Variants in TCF12 observed in about 807,000 individuals in gnomAD.
The protein encoded by TCF12 is DNA-binding protein HTF4.
A neutral mutation model predicts 86.0 loss-of-function variants in TCF12; 45 were observed. The observed-to-expected ratio is 0.52, with a 90% confidence interval of 0.41 to 0.67. TCF12 has a LOEUF of 0.67. Among genes scored for constraint, TCF12 ranks in the 30% least tolerant of loss-of-function variants. TCF12 has a pLI of 0.00. For synonymous variants in TCF12, 330 were observed against 299.6 expected, an observed-to-expected ratio of 1.10 and a Z score of -1.05; for missense variants, 881 against 859.9, an observed-to-expected ratio of 1.02 and a Z score of -0.31.
chr15:57,259,632 G>C (rs1343626703), intron 16 of TCF12, among the ~76,000 whole-genome samples: 3 of 152,188 alleles, frequency 2.0e-5, no homozygotes, highest in Non-Finnish European at 4.4e-5. Flanking sequence ...CTTTTATTCT[G>C]AAATGGAGCT....
At chr15:57,042,858 G>T (rs1012331961) in intron 3 of TCF12, among the ~76,000 whole-genome samples, 1 of 152,096 alleles carries the variant, frequency 6.6e-6, no homozygotes, top group Non-Finnish European at 1.5e-5. Context: ...TTTTACAGCA[G>T]ATCTTTAGTA....
intron 3 of TCF12, among the ~76,000 whole-genome samples, chr15:57,007,978 G>GCT (rs1205713295): frequency 2.4e-4 from 29 of 123,176 alleles, no homozygotes; most frequent in African/African-American, 8.2e-4. Flanking sequence ...TCTCTCTCTC[G>GCT]CTCTCTCTCT....
chr15:57,119,482 CATACTAGATACG>C, intron 5 of TCF12, among the ~76,000 whole-genome samples: 2 of 146,132 alleles, frequency 1.4e-5, no homozygotes, highest in East Asian at 4.0e-4. Context: ...GTATCTTCTT[CATACTAGATACG>C]ATACTGTATG....
intron 3 of TCF12, among the ~76,000 whole-genome samples, chr15:57,012,924 T>G (rs1478424288): frequency 6.6e-6 from 1 of 152,212 alleles, no homozygotes; most frequent in Non-Finnish European, 1.5e-5. Flanking sequence ...TTTATTTTTC[T>G]GTGATCGAGA....
At chr15:56,958,223 C>T (rs1309339624) in intron 3 of TCF12, among the ~76,000 whole-genome samples, 1 of 152,160 alleles carries the variant, frequency 6.6e-6, no homozygotes, top group Non-Finnish European at 1.5e-5. Flanking sequence ...GTGAGTCTGT[C>T]AGTCTCCCAT....
intron 5 of TCF12, among the ~76,000 whole-genome samples, chr15:57,132,359 C>T (rs994944325): frequency 1.3e-5 from 2 of 152,116 alleles, no homozygotes; most frequent in African/African-American, 4.8e-5. Flanking sequence ...ATGTATCCAG[C>T]ATCCTAATCT....
At chr15:57,214,947 C>G (rs1341906826) in intron 8 of TCF12, among the ~76,000 whole-genome samples, 2 of 152,078 alleles carry the variant, frequency 1.3e-5, no homozygotes, top group African/African-American at 4.8e-5. Flanking sequence ...TTAAAAGATG[C>G]ACTATTGATT....
At chr15:56,962,989 G>A (rs2061836326) in intron 3 of TCF12, among the ~76,000 whole-genome samples, 1 of 147,540 alleles carries the variant, frequency 6.8e-6, no homozygotes, top group Admixed American at 6.7e-5. Context: ...TTTCCTGGAA[G>A]TGAGTGTTTC....
intron 3 of TCF12, among the ~76,000 whole-genome samples, chr15:56,971,854 A>G (rs1006618310): frequency 6.6e-6 from 1 of 152,220 alleles, no homozygotes; most frequent in Non-Finnish European, 1.5e-5. Flanking sequence ...AACTAGGCAA[A>G]TGTGTAAAGA....
intron 3 of TCF12, among the ~76,000 whole-genome samples, chr15:57,010,166 T>A (rs2064735445): frequency 6.6e-6 from 1 of 152,114 alleles, no homozygotes; most frequent in Non-Finnish European, 1.5e-5. Flanking sequence ...TCCCTTTTTT[T>A]TAAAAAAACT....
rs557610511 is a variant in TCF12, at chr15:56,995,231, C to CTTTTTTTTTTTTTTTTTTTTTTTTT, written c.149-68515_149-68491dup. ...AAGTCAGGTAATGTGATACCTGCAG[C>CTTTTTTTTTTTTTTTTTTTTTTTTT]TTTTTTTTTTTTTTTTTTTTTTTTT... On this transcript the variant is annotated intron_variant, in intron 3 of 20. Coordinates refer to ENST00000333725, the MANE Select transcript of TCF12 (RefSeq NM_207037.2). 1.3e-3 allele frequency among the ~76,000 whole-genome samples: 38 copies of CTTTTTTTTTTTTTTTTTTTTTTTTT among 30,302 alleles called. 9 individuals are homozygous for CTTTTTTTTTTTTTTTTTTTTTTTTT. The highest frequency in any genetic ancestry group is 1.7e-3 in the Non-Finnish European group (27 of 16,182). 19.9% of individuals were successfully genotyped at this position (30,302 alleles called of 152,430 possible).
chr15:56,959,710 C>T (rs564917064), intron 3 of TCF12, among the ~76,000 whole-genome samples: 212 of 152,114 alleles, frequency 1.4e-3, no homozygotes, highest in Non-Finnish European at 2.7e-3. Context: ...AATCTACTTA[C>T]AGAGGAACAG....
chr15:57,206,985 A>G (rs1244565936), intron 8 of TCF12, among the ~76,000 whole-genome samples: 2 of 151,652 alleles, frequency 1.3e-5, no homozygotes, highest in Non-Finnish European at 2.9e-5. Flanking sequence ...GTGTGCCTGT[A>G]GTACTAGGTA....
intron 20 of TCF12, among the ~76,000 whole-genome samples, chr15:57,283,322 C>T (rs985910364): frequency 9.9e-5 from 15 of 151,798 alleles, no homozygotes; most frequent in African/African-American, 3.2e-4. Flanking sequence ...TGCAGTGGCA[C>T]GATCTCAGCT....
At position 57,282,312 on chromosome 15, in the gene TCF12, G is replaced by T. The variant is rs1401608220; in HGVS notation, c.1979-133G>T. 4.9e-6 allele frequency: 5 copies of T among 1,019,348 alleles called. No individual in the cohort carries two copies. The Admixed American group carries it at 1.1e-4, about 22-fold the overall frequency. 63.1% of individuals were successfully genotyped at this position (1,019,348 alleles called of 1,614,324 possible). On this transcript the variant is annotated intron_variant, in intron 19 of 20. Coordinates refer to ENST00000333725, the MANE Select transcript of TCF12 (RefSeq NM_207037.2). ...AGTTCAATGCTGAGGTTTTATGTGA[G>T]CACATTGTTTCTTCTATGTGATGGT...
chr15:57,077,371 G>A (rs370628277), intron 4 of TCF12, among the ~76,000 whole-genome samples: 55,547 of 104,380 alleles, frequency 0.53, 14,485 homozygotes, highest in Non-Finnish European at 0.58. Flanking sequence ...GTGTGTGTGT[G>A]TGTATATATA....
intron 3 of TCF12, among the ~76,000 whole-genome samples, chr15:57,014,337 A>G (rs2065022188): frequency 6.6e-6 from 1 of 152,094 alleles, no homozygotes; most frequent in Non-Finnish European, 1.5e-5. Flanking sequence ...GCTGTTAGTC[A>G]GGATATTTAG....
At chr15:57,243,211 A>AAAGTTATTTT (rs2059709553) in intron 12 of TCF12, among the ~76,000 whole-genome samples, 1 of 152,162 alleles carries the variant, frequency 6.6e-6, no homozygotes, top group Non-Finnish European at 1.5e-5. Context: ...TCTAACAGAA[A>AAAGTTATTTT]CTTTAAGTTA....
At chr15:57,177,309 A>C (rs2055990949) in intron 6 of TCF12, among the ~76,000 whole-genome samples, 1 of 135,616 alleles carries the variant, frequency 7.4e-6, no homozygotes. Flanking sequence ...TGCTCTTGTC[A>C]CCCAGGCTGG....
Sources: allele counts gnomAD v4.1 joint callset (sites outside exome capture counted in the v4.1 genomes callset), GRCh38; gene constraint gnomAD v4.1.1; transcripts MANE v1.5; gene names NCBI Gene and HGNC (gene_info 2026-07-23, HGNC 2026-07-21).